The following ACOXL variants were observed in gnomAD, a reference collection of about 807,000 sequenced individuals.
The protein encoded by ACOXL is acyl-CoA oxidase like, also known as acyl-coenzyme A oxidase-like protein.
A neutral mutation model predicts 71.9 loss-of-function variants in ACOXL; 70 were observed. That is an observed-to-expected ratio of 0.97 (90% CI 0.80 to 1.19). The LOEUF (loss-of-function observed/expected upper bound fraction) is 1.19, where lower values mean the gene tolerates loss of function less well. Among genes scored for constraint, ACOXL ranks in the 50% most tolerant of loss-of-function variants. ACOXL has a pLI of 0.00. For synonymous variants in ACOXL, 253 were observed against 281.6 expected (o/e 0.90, Z 1.02); for missense variants, 703 against 736.3 (o/e 0.95, Z 0.52).
intron 12 of ACOXL, among the ~76,000 whole-genome samples, chr2:110,970,200 A>C (rs1421421927): frequency 6.6e-6 from 1 of 152,236 alleles, no homozygotes. Context: ...ATAAAGCTAC[A>C]TACTAGTATC....
chr2:111,027,573 G>A (rs963440939), intron 14 of ACOXL, among the ~76,000 whole-genome samples: 13 of 151,950 alleles, frequency 8.6e-5, no homozygotes, highest in African/African-American at 2.4e-4. Flanking sequence ...GCCCACCTCA[G>A]CCTCCCAAAG....
At chr2:110,893,052 C>A (rs2200211) in intron 10 of ACOXL, among the ~76,000 whole-genome samples, 47,405 of 151,970 alleles carry the variant, frequency 0.31, 7,753 homozygotes, top group Middle Eastern at 0.38. Flanking sequence ...AGGCAAAGTA[C>A]AATAAGTGAC....
At chr2:110,956,427 C>T (rs531811922) in intron 12 of ACOXL, among the ~76,000 whole-genome samples, 2 of 152,274 alleles carry the variant, frequency 1.3e-5, no homozygotes, top group South Asian at 4.1e-4. Flanking sequence ...GCGATAGGGT[C>T]CCCTCAAAGC....
intron 12 of ACOXL, among the ~76,000 whole-genome samples, chr2:110,943,260 AGGAG>A (rs949406637): frequency 2.2e-5 from 3 of 138,978 alleles, no homozygotes; most frequent in Non-Finnish European, 3.1e-5. Flanking sequence ...AAGAAAAGAA[AGGAG>A]GGAGGGAGGG....
intron 1 of ACOXL, among the ~76,000 whole-genome samples, chr2:110,735,291 G>A (rs1009002835): frequency 6.6e-6 from 1 of 152,152 alleles, no homozygotes; most frequent in Non-Finnish European, 1.5e-5. Context: ...AGAACATTAG[G>A]AGATGAGAAA....
intron 12 of ACOXL, among the ~76,000 whole-genome samples, chr2:110,950,558 C>T (rs1429545003): frequency 6.6e-6 from 1 of 152,078 alleles, no homozygotes; most frequent in Non-Finnish European, 1.5e-5. Flanking sequence ...AAATTTTGAT[C>T]CACGGTATGT....
intron 17 of ACOXL, among the ~76,000 whole-genome samples, chr2:111,096,575 A>G (rs1341476333): frequency 6.6e-6 from 1 of 152,026 alleles, no homozygotes; most frequent in Non-Finnish European, 1.5e-5. Flanking sequence ...TTCCCCAAAG[A>G]TATATTCAAT....
chr2:110,920,391 C>T (rs1193047577), intron 11 of ACOXL, among the ~76,000 whole-genome samples: 1 of 151,978 alleles, frequency 6.6e-6, no homozygotes, highest in Non-Finnish European at 1.5e-5. Context: ...GCAAAGTGTC[C>T]GTTCTGGTCT....
At chr2:111,044,685 A>G (rs2065933772) in intron 15 of ACOXL, among the ~76,000 whole-genome samples, 1 of 152,202 alleles carries the variant, frequency 6.6e-6, no homozygotes, top group Admixed American at 6.5e-5. Flanking sequence ...CTTCCCCCTT[A>G]TTCGAAACAG....
At chr2:110,976,215 A>G (rs1427274665) in intron 12 of ACOXL, among the ~76,000 whole-genome samples, 2 of 152,226 alleles carry the variant, frequency 1.3e-5, no homozygotes, top group Non-Finnish European at 2.9e-5. Context: ...AGACCTCTCA[A>G]GCAGCACTGA....
chr2:110,815,381 C>G (rs1033820343), intron 9 of ACOXL, among the ~76,000 whole-genome samples: 1 of 152,150 alleles, frequency 6.6e-6, no homozygotes, highest in African/African-American at 2.4e-5. Context: ...ATCATTTTGT[C>G]TATTGTATGA....
intron 14 of ACOXL, among the ~76,000 whole-genome samples, chr2:110,996,954 A>C (rs934480527): frequency 6.6e-6 from 1 of 152,146 alleles, no homozygotes; most frequent in Non-Finnish European, 1.5e-5. Context: ...TGTGTAAATC[A>C]ATTTTTCCCC....
chr2:110,933,832 G>C (rs2060567874), intron 12 of ACOXL, among the ~76,000 whole-genome samples, 190 bp downstream of exon 12: 1 of 152,212 alleles, frequency 6.6e-6, no homozygotes, highest in African/African-American at 2.4e-5. Flanking sequence ...AGGACTGATA[G>C]AATACATGTT....
intron 12 of ACOXL, among the ~76,000 whole-genome samples, chr2:110,966,612 C>T (rs1378721195): frequency 5.3e-5 from 8 of 152,226 alleles, no homozygotes; most frequent in Admixed American, 5.2e-4. Flanking sequence ...AGCCTCTTGC[C>T]TCACCTGACA....
At chr2:110,864,394 C>T (rs1694310309) in intron 10 of ACOXL, among the ~76,000 whole-genome samples, 1 of 152,162 alleles carries the variant, frequency 6.6e-6, no homozygotes, top group Admixed American at 6.5e-5. Context: ...TAGACTCAGG[C>T]TTCACCAAGC....
At chr2:110,746,822 GC>G (rs1472867017) in intron 1 of ACOXL, among the ~76,000 whole-genome samples, 1 of 49,420 alleles carries the variant, frequency 2.0e-5, no homozygotes, top group Non-Finnish European at 4.1e-5. Context: ...TTCTCCCCCC[GC>G]CCTTTAGTTG....
chr2:110,739,510 G>A (rs1202545391), intron 1 of ACOXL, among the ~76,000 whole-genome samples: 1 of 152,228 alleles, frequency 6.6e-6, no homozygotes, highest in East Asian at 1.9e-4. Flanking sequence ...GGTCTAGGGT[G>A]TCCACAGCAT....
At chr2:110,808,929 ACACACAGGGCTGGGCACAT>A (rs1686986965) in intron 9 of ACOXL, among the ~76,000 whole-genome samples, 1 of 152,234 alleles carries the variant, frequency 6.6e-6, no homozygotes, top group Non-Finnish European at 1.5e-5. Context: ...GTTCAGCTTC[ACACACAGGGCTGGGCACAT>A]AGCAGACAAA....
chr2:110,948,002 G>T (rs2061171716), intron 12 of ACOXL, among the ~76,000 whole-genome samples: 1 of 152,246 alleles, frequency 6.6e-6, no homozygotes, highest in Non-Finnish European at 1.5e-5. Flanking sequence ...AGTCTCCACA[G>T]CAGGACTTTG....
Sources: allele counts gnomAD v4.1 joint callset (sites outside exome capture counted in the v4.1 genomes callset), GRCh38; gene constraint gnomAD v4.1.1; transcripts MANE v1.5; gene names NCBI Gene and HGNC (gene_info 2026-07-23, HGNC 2026-07-21).